Variants in GHRHR observed in about 807,000 individuals in gnomAD.
GHRHR encodes growth hormone releasing hormone receptor.
A neutral mutation model predicts 58.3 loss-of-function variants in GHRHR; 40 were observed. The ratio of observed to expected loss-of-function variants is 0.69; its 90% CI spans 0.53 to 0.89. The LOEUF is 0.89. Ranked by LOEUF, GHRHR falls within the 40% of genes least tolerant of loss-of-function variation. The pLI is 0.00. For synonymous variants in GHRHR, 249 were observed against 216.6 expected (o/e 1.15, Z -1.31); for missense variants, 551 against 541.3 (o/e 1.02, Z -0.18).
At chr7:30,968,959 G>A (rs1378571244) in intron 2 of GHRHR, 23 bp downstream of exon 2, 2 of 1,583,606 alleles carry the variant, frequency 1.3e-6, no homozygotes. Context: ...GGAGGCAGGT[G>A]GTGGCTTCTC....
intron 7 of GHRHR, 92 bp from the exon 8 acceptor site, chr7:30,974,337 T>C: frequency 1.8e-6 from 2 of 1,129,580 alleles, no homozygotes; most frequent in Non-Finnish European, 2.7e-6. Flanking sequence ...TGCAGTGCCC[T>C]ACGTGGCTGA....
In GHRHR at chr7:30,972,268, A is replaced by G. The variant is rs1156678296; in HGVS notation, c.597+173A>G. On this transcript the variant is annotated intron_variant, in intron 6 of 12. Coordinates refer to ENST00000326139, the MANE Select transcript of GHRHR (RefSeq NM_000823.4). ...TTCCCATGTCACCCCCTAAGTCCTC[A>G]CGCCTTTCCTGGACTGTGGTGTCGA... 3 of 662,580 alleles carry G rather than the reference A, an allele frequency of 4.5e-6. No individual in the cohort carries two copies. In the African/African-American group the frequency reaches 5.4e-5, roughly 12 times the overall value. 41.0% of individuals were successfully genotyped at this position (662,580 alleles called of 1,614,324 possible). A position where few individuals can be genotyped will look rare whatever the true frequency, so the allele number is the denominator to read the frequency against.
chr7:30,976,670 C>T, intron 11 of GHRHR, 112 bp downstream of exon 11: 1 of 885,404 alleles, frequency 1.1e-6, no homozygotes, highest in Admixed American at 2.1e-5. Flanking sequence ...GTTTTTCATC[C>T]ATCTATTCAA....
At chr7:30,969,704 C>A (rs1372659286) in intron 3 of GHRHR, 163 bp from the exon 4 acceptor site, 3 of 733,682 alleles carry the variant, frequency 4.1e-6, no homozygotes, top group East Asian at 2.5e-5. Flanking sequence ...TGTCCCTGGG[C>A]AGGCTAGACC....
intron 4 of GHRHR, among the ~76,000 whole-genome samples, chr7:30,970,808 G>C (rs887894130): frequency 6.6e-6 from 1 of 152,164 alleles, no homozygotes; most frequent in Admixed American, 6.5e-5. Flanking sequence ...ATTTCCTCTT[G>C]GGCTTTTGTC....
Position 30,974,123 on chromosome 7 carries a change from G to T in GHRHR, c.736G>T (p.Val246Phe). ...CTCAAGGAGAGCCTTCTGGTGGCTGGTTCTCGCTGGCTGGGGTGAGCACTG... is the reference window on the plus strand; with the variant it reads ...CTCAAGGAGAGCCTTCTGGTGGCTGTTTCTCGCTGGCTGGGGTGAGCACTG... ...PSSRRAFWWL[V>F]LAGWGLPVLF... The change falls in exon 7 of 13, where the codon GTT becomes TTT. Residue 246 changes from valine (V) to phenylalanine (F), a missense_variant. Val to Phe is a conservative substitution (Grantham distance 50). Transcript: ENST00000326139. The T allele has an allele frequency of 6.2e-7, 1 of 1,614,102 alleles. No individual in the cohort carries two copies. Among genetic ancestry groups the T allele is most frequent in the Non-Finnish European group, 8.5e-7 (1 of 1,180,020 alleles).
At chr7:30,968,996 C>T (rs1238435326) in intron 2 of GHRHR, 60 bp downstream of exon 2, 10 of 1,541,124 alleles carry the variant, frequency 6.5e-6, no homozygotes, top group African/African-American at 4.1e-5. Flanking sequence ...TCCAGCCTCA[C>T]CCCTCGGATT....
chr7:30,967,602 T>TATCCATCCATCTGTCCAA (rs1554292671), intron 1 of GHRHR, among the ~76,000 whole-genome samples: 1 of 151,646 alleles, frequency 6.6e-6, no homozygotes, highest in Admixed American at 6.6e-5. Context: ...GTCATCTGTC[T>TATCCATCCATCTGTCCAA]ATCCATCCAT....
intron 1 of GHRHR, among the ~76,000 whole-genome samples, chr7:30,965,697 G>C (rs558021650): frequency 7.9e-5 from 12 of 152,304 alleles, no homozygotes; most frequent in African/African-American, 2.9e-4. Flanking sequence ...TCCCCAAATT[G>C]GCCCTGAAAA....
intron 12 of GHRHR, 56 bp downstream of exon 12, chr7:30,977,378 C>T: frequency 6.8e-7 from 1 of 1,459,956 alleles, no homozygotes; most frequent in Non-Finnish European, 9.6e-7. Flanking sequence ...AGACCTAAGG[C>T]CCCTCCTCCT....
chr7:30,964,704 C>T (rs1460684998), intron 1 of GHRHR, among the ~76,000 whole-genome samples: 1 of 152,188 alleles, frequency 6.6e-6, no homozygotes, highest in Non-Finnish European at 1.5e-5. Flanking sequence ...TTAGGGGATC[C>T]ATCATCTTCT....
chr7:30,978,099 C>T (rs1562595881), intron 12 of GHRHR, among the ~76,000 whole-genome samples: 1 of 152,248 alleles, frequency 6.6e-6, no homozygotes, highest in Non-Finnish European at 1.5e-5. Context: ...ATGGGCTCTG[C>T]ATTCTGTGAG....
At chr7:30,976,328 C>T in intron 10 of GHRHR, 101 bp from the exon 11 acceptor site, 1 of 1,107,140 alleles carries the variant, frequency 9.0e-7, no homozygotes. Context: ...GGCTGTTCCA[C>T]AGAGTGGATA....
Position 30,974,007 on chromosome 7 carries a change from C to T in GHRHR, c.620C>T (p.Ala207Val), listed in dbSNP as rs779310511. 7.4e-6 allele frequency: 12 copies of T among 1,613,766 alleles called. No individual in the cohort carries two copies. In the South Asian group the frequency reaches 1.1e-4, roughly 15 times the overall value. Residue 207 changes from alanine (A) to valine (V), a missense_variant, in exon 7 of 13, where the codon GCC becomes GTC. Coordinates refer to ENST00000326139, the MANE Select transcript of GHRHR (RefSeq NM_000823.4). ...FSTVLCKVSVAASHFATMTNF... is the reference protein window; with the variant it reads ...FSTVLCKVSVVASHFATMTNF... ...CAGGTTCTATGCAAGGTCTCTGTGG[C>T]CGCCTCCCATTTCGCCACCATGACC... is the stretch of plus-strand genomic sequence containing the variant.
At position 30,979,238 on chromosome 7, in the gene GHRHR, G is replaced by C. The variant is rs1164101426; in HGVS notation, c.1266G>C (p.Met422Ile). Residue 422 changes from methionine (M) to isoleucine (I), a missense_variant, in exon 13 of 13, where the codon ATG becomes ATC. Coordinates refer to ENST00000326139, the MANE Select transcript of GHRHR (RefSeq NM_000823.4). The stretch of plus-strand genomic sequence containing the variant: ...CGGCGGCAAAGGTGCTGACATCTAT[G>C]TGCTAGGCTGCCTCATCACGCCACT... ...SRSAAKVLTSMC is the reference protein window; with the variant it reads ...SRSAAKVLTSIC 1 of 1,613,852 alleles carries C rather than the reference G, an allele frequency of 6.2e-7. No individual in the cohort carries two copies. Among genetic ancestry groups the C allele is most frequent in the African/African-American group, 1.3e-5 (1 of 75,056 alleles).
At chr7:30,974,221 CT>C in intron 7 of GHRHR, 83 bp downstream of exon 7, 3 of 1,418,798 alleles carry the variant, frequency 2.1e-6, no homozygotes, top group Non-Finnish European at 3.0e-6. Flanking sequence ...GCCCCTCCAC[CT>C]CACTCTGAGG....
chr7:30,979,333 C>A lies in GHRHR; in HGVS notation c.*89C>A. ...CTCTGGAGGAGCAAGGGGGCCACAT[C>A]CCCACCCCAGCTGTTACCCAGCCCG... On this transcript the variant is annotated 3_prime_UTR_variant, in exon 13 of 13. Transcript: ENST00000326139. The A allele has an allele frequency of 3.7e-6, 5 of 1,351,968 alleles. No homozygotes were observed. Among genetic ancestry groups the A allele is most frequent in the Non-Finnish European group, 4.1e-6 (4 of 965,720 alleles). The allele number at this position is 1,351,968 out of a possible 1,614,324, so 83.7% of individuals were successfully genotyped here.
At chr7:30,969,829 G>A (rs779764987) in intron 3 of GHRHR, 38 bp from the exon 4 acceptor site, 1 of 1,609,902 alleles carries the variant, frequency 6.2e-7, no homozygotes. Flanking sequence ...TGGGGAGAGG[G>A]AAGGAGTTGT....
At chr7:30,974,264 G>C in intron 7 of GHRHR, 126 bp downstream of exon 7, 1 of 1,214,074 alleles carries the variant, frequency 8.2e-7, no homozygotes, top group South Asian at 1.2e-5. Flanking sequence ...GCCACAGTCC[G>C]GCAGCAAGTG....
Sources: gnomAD v4.1 joint callset for allele counts (sites outside exome capture counted in the v4.1 genomes callset) on GRCh38, gnomAD v4.1.1 for gene constraint, MANE v1.5 for transcripts, NCBI Gene and HGNC (gene_info 2026-07-23, HGNC 2026-07-21) for gene names.